Variants in ZFAT observed in about 807,000 individuals in gnomAD.
ZFAT encodes zinc finger protein ZFAT.
In ZFAT, 64 loss-of-function variants were observed where a neutral mutation model predicts 117.7. That is an observed-to-expected ratio of 0.54 (90% CI 0.44 to 0.67). ZFAT has a LOEUF of 0.67. ZFAT is among the 30% of genes least tolerant of loss of function. The probability of loss-of-function intolerance (pLI) is 0.00; values close to 1 mark genes in which losing one functional copy is unlikely to be tolerated. For synonymous variants in ZFAT, 679 were observed against 615.0 expected (o/e 1.10, Z -1.54); for missense variants, 1,433 against 1,584.5 (o/e 0.90, Z 1.62).
intron 1 of ZFAT, among the ~76,000 whole-genome samples, chr8:134,672,175 C>T (rs1425138547): frequency 2.0e-5 from 3 of 152,220 alleles, no homozygotes; most frequent in Non-Finnish European, 2.9e-5. Context: ...AATGGCCATA[C>T]TGCCCAAGGT....
intron 12 of ZFAT, 141 bp downstream of exon 12, chr8:134,532,693 C>T (rs2130563578): frequency 8.5e-7 from 1 of 1,181,218 alleles, no homozygotes; most frequent in East Asian, 2.6e-5. Flanking sequence ...ATGATGACAA[C>T]AATTAGGACG....
chr8:134,601,453 C>T (rs749717078), intron 6 of ZFAT, 24 bp downstream of exon 6: 15 of 1,578,712 alleles, frequency 9.5e-6, no homozygotes, highest in Middle Eastern at 1.7e-4. Context: ...GACAGGGCCA[C>T]GCACCGGCGC....
At chr8:134,747,065 C>G in the ZFAT span, among the ~76,000 whole-genome samples, 2 of 151,962 alleles carry the variant, frequency 1.3e-5, no homozygotes, top group South Asian at 4.2e-4. Context: ...TAATTTGTTC[C>G]TGGAATATGC....
chr8:134,680,605 C>T (rs1211566625), intron 1 of ZFAT, among the ~76,000 whole-genome samples: 2 of 152,056 alleles, frequency 1.3e-5, no homozygotes, highest in East Asian at 1.9e-4. Flanking sequence ...ATGACACAAA[C>T]GTACACCAAT....
intron 11 of ZFAT, among the ~76,000 whole-genome samples, chr8:134,561,286 G>A (rs1260766118): frequency 6.6e-6 from 1 of 152,046 alleles, no homozygotes; most frequent in Non-Finnish European, 1.5e-5. Context: ...GATTTAAAAG[G>A]CAATATTAAA....
chr8:134,593,365 G>A (rs1586772149), intron 7 of ZFAT, among the ~76,000 whole-genome samples: 1 of 151,878 alleles, frequency 6.6e-6, no homozygotes, highest in Non-Finnish European at 1.5e-5. Flanking sequence ...GGGGTGGTGG[G>A]GGGAACTCTT....
chr8:134,532,701 A>C, intron 12 of ZFAT, 133 bp downstream of exon 12: 1 of 1,219,808 alleles, frequency 8.2e-7, no homozygotes, highest in Non-Finnish European at 1.1e-6. Context: ...AACAATTAGG[A>C]CGATGAAGAA....
the ZFAT span, among the ~76,000 whole-genome samples, chr8:134,806,741 C>T: frequency 6.6e-6 from 1 of 152,128 alleles, no homozygotes; most frequent in Non-Finnish European, 1.5e-5. Context: ...TTGTCAAATG[C>T]TATGACTTTG....
At position 134,630,217 on chromosome 8, in the gene ZFAT, C is replaced by T. The variant is rs114075390; in HGVS notation, c.448+7244G>A. 7.5e-3 allele frequency among the ~76,000 whole-genome samples: 1,148 copies of T among 152,288 alleles called. 14 individuals are homozygous for T. Among genetic ancestry groups the T allele is most frequent in the African/African-American group, 0.026 (1,086 of 41,548 alleles). On this transcript the variant is annotated intron_variant, in intron 3 of 15. Transcript: ENST00000377838. ...TCACAAGTACGCCCAAGACCAAGCA[C>T]GGCTGGAGACCACTGGGTTTCCACT...
upstream of ZFAT, among the ~76,000 whole-genome samples, chr8:134,715,860 TTA>T (rs1434314867): frequency 4.6e-5 from 7 of 152,206 alleles, no homozygotes; most frequent in Admixed American, 3.3e-4. Flanking sequence ...TCCAATATCT[TTA>T]TGAGAAATAG....
chr8:134,627,187 C>A (rs1829576277), intron 3 of ZFAT, among the ~76,000 whole-genome samples: 1 of 152,188 alleles, frequency 6.6e-6, no homozygotes, highest in South Asian at 2.1e-4. Flanking sequence ...GTATTTTACA[C>A]CATTCTGGGA....
chr8:134,661,872 C>T (rs376814150), intron 1 of ZFAT, among the ~76,000 whole-genome samples: 20 of 152,176 alleles, frequency 1.3e-4, no homozygotes, highest in Middle Eastern at 3.4e-3. Flanking sequence ...CAGCGCAAGA[C>T]GGGGTGGGGT....
At chr8:134,812,474 T>C in the ZFAT span, among the ~76,000 whole-genome samples, 1 of 152,244 alleles carries the variant, frequency 6.6e-6, no homozygotes, top group Non-Finnish European at 1.5e-5. Context: ...CTCATGCCTG[T>C]AATCCCAGCA....
At chr8:134,540,672 T>C (rs1205779668) in intron 11 of ZFAT, among the ~76,000 whole-genome samples, 2 of 152,228 alleles carry the variant, frequency 1.3e-5, no homozygotes, top group Non-Finnish European at 2.9e-5. Flanking sequence ...TAAATGTAAG[T>C]AAAAAGACTT....
the ZFAT span, among the ~76,000 whole-genome samples, chr8:134,747,509 A>G: frequency 1.3e-5 from 2 of 152,264 alleles, no homozygotes; most frequent in East Asian, 1.9e-4. Flanking sequence ...AGCATTTAAC[A>G]CTATTCTTTT....
intron 15 of ZFAT, among the ~76,000 whole-genome samples, chr8:134,488,319 C>T (rs982417198): frequency 2.0e-5 from 3 of 152,184 alleles, no homozygotes; most frequent in Non-Finnish European, 4.4e-5. Flanking sequence ...GAAAACAAGG[C>T]TAACATGGGG....
intron 1 of ZFAT, among the ~76,000 whole-genome samples, chr8:134,709,237 G>C (rs1813896427): frequency 6.6e-6 from 1 of 152,216 alleles, no homozygotes; most frequent in Admixed American, 6.5e-5. Context: ...ATCCACAAAT[G>C]CTTTCAAGAA....
chr8:134,682,435 C>G (rs183804286), intron 1 of ZFAT, among the ~76,000 whole-genome samples: 1 of 152,140 alleles, frequency 6.6e-6, no homozygotes, highest in Non-Finnish European at 1.5e-5. Flanking sequence ...GCAGGCAGAT[C>G]GCTTGAGCTC....
intron 15 of ZFAT, among the ~76,000 whole-genome samples, chr8:134,480,867 T>C (rs924797051): frequency 3.3e-5 from 5 of 152,200 alleles, no homozygotes; most frequent in Non-Finnish European, 5.9e-5. Flanking sequence ...CCTGTGATTA[T>C]TCCAGTCTCC....
Sources: allele counts gnomAD v4.1 joint callset (sites outside exome capture counted in the v4.1 genomes callset), GRCh38; gene constraint gnomAD v4.1.1; transcripts MANE v1.5; gene names NCBI Gene and HGNC (gene_info 2026-07-23, HGNC 2026-07-21).